Variants in COG3 observed in about 807,000 individuals in gnomAD.
The protein encoded by COG3 is component of oligomeric golgi complex 3.
In COG3, 32 loss-of-function variants were observed where a neutral mutation model predicts 114.1. That is an observed-to-expected ratio of 0.28 (90% CI 0.21 to 0.38). The LOEUF (loss-of-function observed/expected upper bound fraction) is 0.38, where lower values mean the gene tolerates loss of function less well. Among genes scored for constraint, COG3 ranks in the 10% least tolerant of loss-of-function variants. The probability of loss-of-function intolerance (pLI) is 1.00; values close to 1 mark genes in which losing one functional copy is unlikely to be tolerated. For synonymous variants in COG3, 352 were observed against 365.7 expected (o/e 0.96, Z 0.43); for missense variants, 813 against 973.2 (o/e 0.84, Z 2.19).
chr13:45,518,246 T>C (rs1404129728), intron 17 of COG3, among the ~76,000 whole-genome samples: 1 of 152,240 alleles, frequency 6.6e-6, no homozygotes, highest in African/African-American at 2.4e-5. Flanking sequence ...TAACATTATA[T>C]TGTATTGCAT....
intron 7 of COG3, among the ~76,000 whole-genome samples, chr13:45,484,075 C>G (rs1464044142): frequency 6.6e-6 from 1 of 152,074 alleles, no homozygotes; most frequent in East Asian, 1.9e-4. Flanking sequence ...TATTCCTTTC[C>G]TAAGAAAATA....
chr13:45,520,320 A>AG (rs1871992767), intron 19 of COG3, among the ~76,000 whole-genome samples: 1 of 26,154 alleles, frequency 3.8e-5, no homozygotes, highest in African/African-American at 2.0e-4. Context: ...AAAATAAAAA[A>AG]AGAGAAAGAA....
At chr13:45,493,571 A>G (rs1190493382) in intron 12 of COG3, 85 bp downstream of exon 12, 3 of 1,170,480 alleles carry the variant, frequency 2.6e-6, no homozygotes, top group African/African-American at 3.1e-5. Flanking sequence ...CCCTCACCCC[A>G]CTAAATAGAT....
intron 19 of COG3, among the ~76,000 whole-genome samples, chr13:45,520,153 G>A (rs1012021779): frequency 6.6e-6 from 1 of 152,078 alleles, no homozygotes; most frequent in African/African-American, 2.4e-5. Flanking sequence ...GCCATGTGTA[G>A]TGGCGTGTGC....
chr13:45,472,575 T>C (rs1394872290), intron 1 of COG3, among the ~76,000 whole-genome samples: 1 of 152,228 alleles, frequency 6.6e-6, no homozygotes, highest in African/African-American at 2.4e-5. Flanking sequence ...GTGATTTTTA[T>C]TGACCTAACT....
rs567520203 is a variant in COG3 at position 45,486,259 on chromosome 13, C to T, written c.844-236C>T. ...GAGCCGAGATGGCAGCAGTACAGTC[C>T]AGCTTCGGCTCGGCATGAGAGGGAG... On this transcript the variant is annotated intron_variant, in intron 7 of 22. Coordinates refer to ENST00000349995, the MANE Select transcript of COG3 (RefSeq NM_031431.4). Among the ~76,000 whole-genome samples, 115 of 143,280 alleles carry T rather than the reference C, an allele frequency of 8.0e-4. 7 individuals are homozygous for T. Among genetic ancestry groups the T allele is most frequent in the African/African-American group, 3.2e-3 (109 of 34,248 alleles). The allele number at this position is 143,280 out of a possible 152,430, so 94.0% of individuals were successfully genotyped here.
rs1158123601 is a variant in COG3 at position 45,480,286 on chromosome 13, A to G, written c.545A>G (p.Glu182Gly). The G allele has an allele frequency of 1.2e-6, 2 of 1,606,126 alleles. No individual in the cohort carries two copies. The highest frequency in any genetic ancestry group is 1.7e-6 in the Non-Finnish European group (2 of 1,174,928). ...GAAGCCTGTGAACAGCTCCTAAAAG[A>G]ACAGGTAATTTGGAGTAAGAGAGAG... The part of the protein sequence containing the change: ...LHEACEQLLK[E>G]QSELVDLAEN... Residue 182 changes from glutamate (E) to glycine (G), a missense_variant, in exon 4 of 23, where the codon GAA becomes GGA. Glu to Gly is a moderately conservative substitution (Grantham distance 98, BLOSUM62 -2). Around this residue, in one of 2 missense-constraint regions of COG3, gnomAD observed 424 missense variants for 430.6 expected, o/e 0.98. Coordinates refer to ENST00000349995, the MANE Select transcript of COG3 (RefSeq NM_031431.4).
intron 9 of COG3, 54 bp from the exon 10 acceptor site, chr13:45,491,358 A>C: frequency 6.4e-7 from 1 of 1,565,210 alleles, no homozygotes; most frequent in Admixed American, 1.9e-5. Context: ...TTTAAGATGA[A>C]ATTTAGTTTA....
At chr13:45,518,560 T>G (rs1871784424) in intron 17 of COG3, among the ~76,000 whole-genome samples, 1 of 152,254 alleles carries the variant, frequency 6.6e-6, no homozygotes, top group Non-Finnish European at 1.5e-5. Context: ...ATAGTCATTT[T>G]GCAATTTGAA....
intron 1 of COG3, among the ~76,000 whole-genome samples, chr13:45,470,467 G>A (rs1285178741): frequency 6.6e-6 from 1 of 152,202 alleles, no homozygotes; most frequent in Non-Finnish European, 1.5e-5. Flanking sequence ...TATATGTTGT[G>A]AGGTAGTACT....
chr13:45,476,303 ACTTC>A lies in COG3; in HGVS notation c.281_284del (p.Ser94Ter). ...AGAAGACATTCTCTTGAAGGGCTTCACTTCCTTAGGAATGGAAGAAGAAAGAATT... is the reference window on the plus strand; with the variant it reads ...AGAAGACATTCTCTTGAAGGGCTTCACTTAGGAATGGAAGAAGAAAGAATT... On this transcript the variant is annotated frameshift_variant, in exon 2 of 23. Transcript: ENST00000349995. LOFTEE classifies it high-confidence loss of function. 1 of 1,613,932 alleles carries A rather than the reference ACTTC, an allele frequency of 6.2e-7. No homozygotes were observed. Among genetic ancestry groups the A allele is most frequent in the Non-Finnish European group, 8.5e-7 (1 of 1,179,840 alleles).
intron 19 of COG3, among the ~76,000 whole-genome samples, chr13:45,520,298 AAAAT>A (rs1871988411): frequency 1.4e-5 from 1 of 72,708 alleles, no homozygotes; most frequent in African/African-American, 6.1e-5. Context: ...AAAAAAAATA[AAAAT>A]AAAAATAAAA....
intron 17 of COG3, 92 bp downstream of exon 17, chr13:45,516,355 A>G: frequency 9.0e-7 from 1 of 1,108,294 alleles, no homozygotes; most frequent in Non-Finnish European, 1.2e-6. Context: ...GTTCATCTGC[A>G]ATTTTTTGCA....
intron 19 of COG3, 100 bp downstream of exon 19, chr13:45,519,194 T>A: frequency 7.8e-7 from 1 of 1,284,970 alleles, no homozygotes; most frequent in Non-Finnish European, 1.1e-6. Context: ...AAGGAGATAT[T>A]AAGCCCAAGT....
At chr13:45,504,772 G>A (rs752635465) in intron 14 of COG3, among the ~76,000 whole-genome samples, 7 of 152,180 alleles carry the variant, frequency 4.6e-5, no homozygotes, top group Non-Finnish European at 1.0e-4. Flanking sequence ...CAATATGGTA[G>A]CCACTGCCAT....
chr13:45,503,398 A>G (rs764323676), intron 14 of COG3, 49 bp downstream of exon 14: 2 of 1,011,410 alleles, frequency 2.0e-6, no homozygotes, highest in Admixed American at 3.4e-5. Flanking sequence ...TGGGTTAACA[A>G]ACCTTTACTG....
At chr13:45,506,814 C>T (rs1870205251) in intron 14 of COG3, among the ~76,000 whole-genome samples, 1 of 152,188 alleles carries the variant, frequency 6.6e-6, no homozygotes. Flanking sequence ...TGAGAAGCCT[C>T]TGAAAGGAGG....
intron 10 of COG3, 121 bp from the exon 11 acceptor site, chr13:45,492,038 A>G: frequency 3.7e-6 from 2 of 544,132 alleles, no homozygotes; most frequent in Middle Eastern, 2.7e-4. Context: ...TCCGTTCTTC[A>G]GTAAGTTGTT....
chr13:45,509,859 A>C (rs973756259), intron 15 of COG3, 43 bp downstream of exon 15: 1 of 1,464,978 alleles, frequency 6.8e-7, no homozygotes, highest in Non-Finnish European at 9.2e-7. Flanking sequence ...TTTCACTTGA[A>C]ATATTTTTAA....
Sources: gnomAD v4.1 joint callset for allele counts (sites outside exome capture counted in the v4.1 genomes callset) on GRCh38, gnomAD v4.1.1 for gene constraint, gnomAD v4.1.1 regional missense constraint, MANE v1.5 for transcripts, NCBI Gene and HGNC (gene_info 2026-07-23, HGNC 2026-07-21) for gene names.